The following STK32B variants were observed in gnomAD, a reference collection of about 807,000 sequenced individuals.
The protein encoded by STK32B is serine/threonine-protein kinase 32B.
A neutral mutation model predicts 52.6 loss-of-function variants in STK32B; 43 were observed. That is an observed-to-expected ratio of 0.82 (90% CI 0.64 to 1.05). The LOEUF is 1.05. Among genes scored for constraint, STK32B ranks in the 50% least tolerant of loss-of-function variants. STK32B has a pLI of 0.00. For missense variants in STK32B, 621 were observed against 534.6 expected (o/e 1.16, Z -1.59); for synonymous variants, 238 against 204.3 (o/e 1.17, Z -1.41).
At chr4:5,316,773 AT>A (rs1730862290) in intron 3 of STK32B, among the ~76,000 whole-genome samples, 1 of 8,584 alleles carries the variant, frequency 1.2e-4, no homozygotes, top group African/African-American at 7.1e-4. Context: ...TATTATATAT[AT>A]TATATATTAT....
rs537288763 is a variant in STK32B, at chr4:5,395,666, G to A, written c.435-2541G>A. Among the ~76,000 whole-genome samples, 21 of 152,308 alleles carry A rather than the reference G, an allele frequency of 1.4e-4. No homozygotes were observed. The highest frequency in any genetic ancestry group is 2.4e-4 in the Non-Finnish European group (16 of 68,030). ...TCATGACCGCAAAGGGGACACCCCC[G>A]TAAATGCTTGAGATTCCACTCTGTG... is the stretch of plus-strand genomic sequence containing the variant. On this transcript the variant is annotated intron_variant, in intron 4 of 11. Transcript: ENST00000282908. This position sits in a 1 kb window ranked among gnomAD's most constrained non-coding sequence, Gnocchi z 4.4.
chr4:5,468,167 T>C (rs1560440242), intron 11 of STK32B, 97 bp downstream of exon 11: 1 of 1,302,784 alleles, frequency 7.7e-7, no homozygotes, highest in Admixed American at 1.7e-5. Flanking sequence ...AAACCGGCCT[T>C]GACGACAAAA....
rs1173959953 is a variant in STK32B at position 5,462,282 on chromosome 4, ATG to A, written c.909+2058_909+2059del. ...TTTGTGTCTGTATGTGTGTGTGTGT[ATG>A]TGTCTGTGTGTGTGTACCTGCTTGT... is the stretch of plus-strand genomic sequence containing the variant. On this transcript the variant is annotated intron_variant, in intron 9 of 11. Transcript: ENST00000282908. Among the ~76,000 whole-genome samples the A allele has an allele frequency of 4.2e-5, 6 of 142,518 alleles. No homozygotes were observed. The East Asian group carries it at 1.3e-3, about 30-fold the overall frequency. 93.5% of individuals were successfully genotyped at this position (142,518 alleles called of 152,430 possible).
intron 1 of STK32B, among the ~76,000 whole-genome samples, chr4:5,117,663 T>C (rs1372148586): frequency 6.6e-6 from 1 of 152,200 alleles, no homozygotes; most frequent in Non-Finnish European, 1.5e-5. Flanking sequence ...CCTCTTGTCA[T>C]GTTTGCTCCA....
chr4:5,292,151 T>C (rs910410812), intron 3 of STK32B, among the ~76,000 whole-genome samples: 1 of 152,126 alleles, frequency 6.6e-6, no homozygotes, highest in East Asian at 1.9e-4. Context: ...TTACTTTGGG[T>C]ATATACCCCG....
At chr4:5,201,904 CAG>C (rs1023597870) in intron 3 of STK32B, among the ~76,000 whole-genome samples, 1 of 152,180 alleles carries the variant, frequency 6.6e-6, no homozygotes. Flanking sequence ...GGTGGGGTCA[CAG>C]AGCCAAACCA....
intron 3 of STK32B, among the ~76,000 whole-genome samples, chr4:5,210,077 A>G (rs1448081778): frequency 6.6e-6 from 1 of 152,184 alleles, no homozygotes; most frequent in African/African-American, 2.4e-5. Context: ...GGAAAGTTGA[A>G]ATGTCAAACA....
chr4:5,385,876 A>G (rs890408739), intron 4 of STK32B, among the ~76,000 whole-genome samples: 2 of 140,206 alleles, frequency 1.4e-5, no homozygotes, highest in Non-Finnish European at 3.1e-5. Context: ...TCCACCTACA[A>G]CCTCACCCAC....
chr4:5,227,791 G>A (rs77224873), intron 3 of STK32B, among the ~76,000 whole-genome samples: 8,944 of 152,230 alleles, frequency 0.059, 332 homozygotes, highest in South Asian at 0.13. Flanking sequence ...TGAAAATTCA[G>A]TAATTTTTTA....
intron 1 of STK32B, among the ~76,000 whole-genome samples, chr4:5,095,369 C>G (rs971867977): frequency 6.6e-6 from 1 of 152,194 alleles, no homozygotes; most frequent in African/African-American, 2.4e-5. Context: ...AATCCCACCA[C>G]TTTGGAAGGT....
intron 11 of STK32B, among the ~76,000 whole-genome samples, chr4:5,496,026 G>T (rs1466239986): frequency 6.6e-6 from 1 of 152,228 alleles, no homozygotes. Context: ...GGGGGCAGGG[G>T]TCAGGGACCC....
At chr4:5,370,984 A>G (rs199564423) in intron 4 of STK32B, among the ~76,000 whole-genome samples, 1,532 of 145,354 alleles carry the variant, frequency 0.011, 30 homozygotes, top group African/African-American at 0.037. Flanking sequence ...ATATATATAT[A>G]TGTGTGTGTG....
chr4:5,379,037 A>G (rs1432906799), intron 4 of STK32B, among the ~76,000 whole-genome samples: 1 of 151,230 alleles, frequency 6.6e-6, no homozygotes, highest in Non-Finnish European at 1.5e-5. Flanking sequence ...CACTAAGGTC[A>G]GGGAGAAGGG....
chr4:5,313,987 A>C (rs1339640675), intron 3 of STK32B, among the ~76,000 whole-genome samples: 3 of 152,202 alleles, frequency 2.0e-5, no homozygotes, highest in African/African-American at 7.2e-5. Flanking sequence ...CAACATAGTA[A>C]AGATAACAGT....
chr4:5,025,030 C>T, the STK32B span, among the ~76,000 whole-genome samples: 3 of 152,330 alleles, frequency 2.0e-5, no homozygotes, highest in Admixed American at 6.5e-5. Flanking sequence ...TTGCCTGGCA[C>T]CTTCATTCGT....
At chr4:5,472,397 T>C (rs1234264443) in intron 11 of STK32B, among the ~76,000 whole-genome samples, 1 of 152,218 alleles carries the variant, frequency 6.6e-6, no homozygotes, top group Non-Finnish European at 1.5e-5. Flanking sequence ...TTTTTGGAAA[T>C]GCAGCTTATT....
chr4:5,243,301 G>T (rs1725178072), intron 3 of STK32B, among the ~76,000 whole-genome samples: 2 of 152,120 alleles, frequency 1.3e-5, no homozygotes, highest in South Asian at 4.1e-4. Flanking sequence ...CATGTCCCTT[G>T]TAAGTTGGAT....
At chr4:5,124,139 G>A (rs1715222090) in intron 1 of STK32B, among the ~76,000 whole-genome samples, 1 of 152,036 alleles carries the variant, frequency 6.6e-6, no homozygotes, top group African/African-American at 2.4e-5. Flanking sequence ...TGTTGGCCAG[G>A]GGAACTATCA....
chr4:5,201,253 A>G (rs770929643), intron 3 of STK32B, among the ~76,000 whole-genome samples: 23 of 152,286 alleles, frequency 1.5e-4, no homozygotes, highest in Admixed American at 3.3e-4. Flanking sequence ...AGTGTTGCTC[A>G]CAGACAGTCC....
Sources: gnomAD v4.1 joint callset for allele counts (sites outside exome capture counted in the v4.1 genomes callset) on GRCh38, gnomAD v4.1.1 for gene constraint, Gnocchi (gnomAD v3.1) non-coding constraint, MANE v1.5 for transcripts, NCBI Gene and HGNC (gene_info 2026-07-23, HGNC 2026-07-21) for gene names.